LRRC28: variants seen among roughly 807,000 people sequenced by gnomAD.
LRRC28 encodes the protein leucine-rich repeat-containing protein 28.
A neutral mutation model predicts 45.7 loss-of-function variants in LRRC28; 39 were observed. The ratio of observed to expected loss-of-function variants is 0.85; its 90% confidence interval spans 0.66 to 1.12. The LOEUF is 1.12. Among genes scored for constraint, LRRC28 ranks in the 50% most tolerant of loss-of-function variants. The pLI, the probability that LRRC28 is intolerant of heterozygous loss-of-function variation, is 0.00. For missense variants in LRRC28, 435 were observed against 438.5 expected, an observed-to-expected ratio of 0.99 and a Z score of 0.07; for synonymous variants, 206 against 178.8, an observed-to-expected ratio of 1.15 and a Z score of -1.22.
intron 5 of LRRC28, among the ~76,000 whole-genome samples, chr15:99,326,966 C>T (rs187497321): frequency 6.6e-6 from 1 of 152,206 alleles, no homozygotes; most frequent in African/African-American, 2.4e-5. Context: ...TTATTTCCTC[C>T]TTAAATATAT....
intron 2 of LRRC28, among the ~76,000 whole-genome samples, chr15:99,261,049 A>G (rs562919642): frequency 6.6e-6 from 1 of 152,282 alleles, no homozygotes; most frequent in African/African-American, 2.4e-5. Flanking sequence ...AGTTGTCGCT[A>G]ATACTCAACC....
At chr15:99,324,820 T>C (rs1955918446) in intron 5 of LRRC28, among the ~76,000 whole-genome samples, 1 of 151,868 alleles carries the variant, frequency 6.6e-6, no homozygotes, top group African/African-American at 2.4e-5. Flanking sequence ...AGGGAAGGGG[T>C]AGAAAGGATT....
intron 5 of LRRC28, among the ~76,000 whole-genome samples, chr15:99,323,320 A>T (rs1186744148): frequency 6.6e-6 from 1 of 152,194 alleles, no homozygotes; most frequent in Non-Finnish European, 1.5e-5. Context: ...TTTAATCCTC[A>T]TATCAGAGAG....
intron 5 of LRRC28, among the ~76,000 whole-genome samples, chr15:99,301,930 C>CT (rs897249899): frequency 7.4e-5 from 11 of 149,510 alleles, no homozygotes; most frequent in Middle Eastern, 3.6e-3. Flanking sequence ...CCATACATCA[C>CT]TTTTTTTTTT....
At chr15:99,335,063 T>G (rs1172216114) in intron 6 of LRRC28, among the ~76,000 whole-genome samples, 1 of 152,182 alleles carries the variant, frequency 6.6e-6, no homozygotes, top group Admixed American at 6.5e-5. Context: ...AAATTTTGTA[T>G]TTATAAAATT....
chr15:99,312,364 G>A (rs1330556355), intron 5 of LRRC28, among the ~76,000 whole-genome samples: 1 of 152,134 alleles, frequency 6.6e-6, no homozygotes, highest in East Asian at 1.9e-4. Flanking sequence ...GGCCTACACA[G>A]GGTCAAGATA....
rs1957199164 is a variant in LRRC28 at position 99,361,439 on chromosome 15, C to T, written c.799C>T (p.His267Tyr). The T allele has an allele frequency of 2.5e-6, 4 of 1,613,982 alleles. No individual in the cohort carries two copies. The highest frequency in any genetic ancestry group is 3.4e-6 in the Non-Finnish European group (4 of 1,179,952). The change falls in exon 8 of 10, where the codon CAT becomes TAT. Residue 267 changes from histidine to tyrosine, a missense_variant. His to Tyr is a moderately conservative substitution (Grantham distance 83, BLOSUM62 2). Transcript: ENST00000301981. ...TGAGGTGAAGGCCATAGGGACGGAG[C>T]ATGATCACGTCCTCCCTCTGCAGGA... ...PAEVKAIGTE[H>Y]DHVLPLQELA...
At chr15:99,357,040 C>T (rs959185055) in intron 7 of LRRC28, among the ~76,000 whole-genome samples, 3 of 152,210 alleles carry the variant, frequency 2.0e-5, no homozygotes, top group Non-Finnish European at 4.4e-5. Flanking sequence ...TTTCCATCTC[C>T]ATATCCACTT....
rs192724108 is a variant in LRRC28, at chr15:99,327,705, T to C, written c.386-6218T>C. 5.3e-5 allele frequency among the ~76,000 whole-genome samples: 8 copies of C among 152,220 alleles called. No individual in the cohort carries two copies. The East Asian group carries it at 1.3e-3, about 26-fold the overall frequency. On this transcript the variant is annotated intron_variant, in intron 5 of 9. Coordinates refer to ENST00000301981, the MANE Select transcript of LRRC28 (RefSeq NM_144598.5). ...TCATTGACTTTTTTTTCTGTTGCTT[T>C]TCTAATTTCTATTTCATTGATATCT...
chr15:99,345,830 T>C (rs1010211808), intron 6 of LRRC28, among the ~76,000 whole-genome samples: 2 of 152,324 alleles, frequency 1.3e-5, no homozygotes, highest in South Asian at 2.1e-4. Flanking sequence ...ACCGATAAGA[T>C]TGAGGGACCA....
chr15:99,261,856 C>T (rs990336163), intron 2 of LRRC28, among the ~76,000 whole-genome samples: 3 of 151,872 alleles, frequency 2.0e-5, no homozygotes, highest in African/African-American at 7.3e-5. Context: ...GGGGTTTCTC[C>T]GTGTTGGTCA....
Position 99,389,565 on chromosome 15 carries a change from G to C in LRRC28, c.*3463G>C, listed in dbSNP as rs1381881125. 2.0e-5 allele frequency: 3 copies of C among 152,128 alleles called. No individual in the cohort carries two copies. Among genetic ancestry groups the C allele is most frequent in the Non-Finnish European group, 2.9e-5 (2 of 68,032 alleles). The allele number at this position is 152,128 out of a possible 1,614,324, so 9.4% of individuals were successfully genotyped here. A position where few individuals can be genotyped will look rare whatever the true frequency, so the allele number is the denominator to read the frequency against. On this transcript the variant is annotated 3_prime_UTR_variant, in exon 10 of 10. Transcript: ENST00000301981. The stretch of plus-strand genomic sequence containing the variant: ...GATTTCTAACTGGACCAACACTAAT[G>C]TTGCAACCTGATAAAATTTGAGATG...
At chr15:99,287,998 C>G (rs748049496) in intron 5 of LRRC28, 47 bp downstream of exon 5, 14 of 1,506,330 alleles carry the variant, frequency 9.3e-6, no homozygotes, top group Non-Finnish European at 1.2e-5. Context: ...TATTATAAAT[C>G]TGTATTCATA....
intron 6 of LRRC28, among the ~76,000 whole-genome samples, chr15:99,344,446 C>T (rs1422559966): frequency 1.3e-5 from 2 of 152,168 alleles, no homozygotes; most frequent in East Asian, 1.9e-4. Context: ...ATTACATACT[C>T]ATGTCCATGA....
At chr15:99,291,244 G>C (rs938253762) in intron 5 of LRRC28, among the ~76,000 whole-genome samples, 3 of 151,994 alleles carry the variant, frequency 2.0e-5, no homozygotes, top group African/African-American at 7.3e-5. Flanking sequence ...ATTTTCCTAG[G>C]TTTGTTTCTA....
intron 9 of LRRC28, among the ~76,000 whole-genome samples, chr15:99,383,364 C>A (rs62025382): frequency 5.3e-5 from 8 of 152,136 alleles, no homozygotes; most frequent in Non-Finnish European, 1.2e-4. Flanking sequence ...AGGCTGTCTG[C>A]CTTGGTTCTC....
In LRRC28 at chr15:99,290,192, G is replaced by A. The variant is rs553109835; in HGVS notation, c.385+2241G>A. ...GAGAACTGCTTGAACCTGGGAGGCG[G>A]AGGTTGCAGTGAGCCGAGATTGCAC... On this transcript the variant is annotated intron_variant, in intron 5 of 9. Coordinates refer to ENST00000301981, the MANE Select transcript of LRRC28 (RefSeq NM_144598.5). Among the ~76,000 whole-genome samples, 4 of 151,512 alleles carry A rather than the reference G, an allele frequency of 2.6e-5. No homozygotes were observed. The East Asian group carries it at 7.8e-4, about 30-fold the overall frequency.
At chr15:99,361,799 T>G (rs536551782) in intron 8 of LRRC28, among the ~76,000 whole-genome samples, 64 of 152,208 alleles carry the variant, frequency 4.2e-4, no homozygotes, top group Middle Eastern at 6.8e-3. Flanking sequence ...TTAAAAAACG[T>G]GGTTGTCAGT....
chr15:99,294,844 G>T (rs2082222289), intron 5 of LRRC28, among the ~76,000 whole-genome samples: 1 of 152,038 alleles, frequency 6.6e-6, no homozygotes, highest in African/African-American at 2.4e-5. Context: ...TTCATCTTTG[G>T]TGCCCTGTCC....
Sources: allele counts gnomAD v4.1 joint callset (sites outside exome capture counted in the v4.1 genomes callset), GRCh38; gene constraint gnomAD v4.1.1; transcripts MANE v1.5; gene names NCBI Gene and HGNC (gene_info 2026-07-23, HGNC 2026-07-21).